DLG1: variants seen among roughly 807,000 people sequenced by gnomAD.
The protein encoded by DLG1 is discs large MAGUK scaffold protein 1.
DLG1 carries 42 observed loss-of-function variants against 123.4 expected under a neutral mutation model. That is an observed-to-expected ratio of 0.34 (90% CI 0.27 to 0.44). The LOEUF (loss-of-function observed/expected upper bound fraction) is 0.44, where lower values mean the gene tolerates loss of function less well. DLG1 is among the 20% of genes least tolerant of loss of function. DLG1 has a pLI of 1.00. For synonymous variants in DLG1, 317 were observed against 356.2 expected (o/e 0.89, Z 1.24); for missense variants, 942 against 1,082.6 (o/e 0.87, Z 1.82).
chr3:197,229,401 T>C (rs1409664688), intron 4 of DLG1, among the ~76,000 whole-genome samples: 3 of 147,064 alleles, frequency 2.0e-5, no homozygotes. Flanking sequence ...CTGCTTGAGC[T>C]ATGATTGAGC....
intron 5 of DLG1, among the ~76,000 whole-genome samples, chr3:197,178,229 C>G (rs1028437356): frequency 6.6e-6 from 1 of 152,100 alleles, no homozygotes; most frequent in East Asian, 1.9e-4. Flanking sequence ...GTAGTTCAGG[C>G]AACATATTAT....
At chr3:197,064,688 T>C (rs2148873996) in intron 22 of DLG1, among the ~76,000 whole-genome samples, 1 of 152,360 alleles carries the variant, frequency 6.6e-6, no homozygotes, top group South Asian at 2.1e-4. Flanking sequence ...TTGCAAATTT[T>C]TTCTGTCAGT....
chr3:197,202,686 T>C (rs1392929652), intron 4 of DLG1, among the ~76,000 whole-genome samples: 1 of 152,204 alleles, frequency 6.6e-6, no homozygotes, highest in Non-Finnish European at 1.5e-5. Context: ...CTCTAGCGTT[T>C]CTAACCAATA....
chr3:197,062,495 T>C (rs1486245484), intron 22 of DLG1, among the ~76,000 whole-genome samples: 3 of 152,220 alleles, frequency 2.0e-5, no homozygotes, highest in South Asian at 2.1e-4. Flanking sequence ...TATGTTATTA[T>C]CATTTATCTT....
At chr3:197,284,005 C>T (rs1373327695) in intron 3 of DLG1, among the ~76,000 whole-genome samples, 1 of 151,858 alleles carries the variant, frequency 6.6e-6, no homozygotes, top group Non-Finnish European at 1.5e-5. Context: ...GGACTTCAGG[C>T]ACGTGCCACC....
Position 197,183,385 on chromosome 3 carries a change from G to T in DLG1, c.483+11040C>A, listed in dbSNP as rs376184134. Among the ~76,000 whole-genome samples the T allele has an allele frequency of 2.6e-5, 4 of 152,200 alleles. No individual in the cohort carries two copies. The South Asian group carries it at 8.3e-4, about 32-fold the overall frequency. ...CTATTTTGTTTGGTATTACATAAGA[G>T]CATAAGGAAAAATATTTCTTGTTCC... is the stretch of plus-strand genomic sequence containing the variant. On this transcript the variant is annotated intron_variant, in intron 5 of 24. Transcript: ENST00000667157.
At chr3:197,087,487 C>T (rs1181782229) in intron 15 of DLG1, among the ~76,000 whole-genome samples, 1 of 152,036 alleles carries the variant, frequency 6.6e-6, no homozygotes, top group African/African-American at 2.4e-5. Context: ...CCAAGACAAG[C>T]TTAGCCAACA....
intron 2 of DLG1, 142 bp from the exon 3 acceptor site, chr3:197,296,619 T>C (rs1777474744): frequency 1.5e-6 from 1 of 654,554 alleles, no homozygotes; most frequent in Non-Finnish European, 2.5e-6. Context: ...CATGTACACA[T>C]ATTCCTTAGA....
intron 11 of DLG1, among the ~76,000 whole-genome samples, chr3:197,129,882 TG>T (rs1305831009): frequency 6.6e-6 from 1 of 152,142 alleles, no homozygotes; most frequent in African/African-American, 2.4e-5. Flanking sequence ...AGTGTGGTTG[TG>T]GCACTCCAAA....
chr3:197,068,455 A>G (rs1451205833), intron 19 of DLG1: 14 of 1,272,838 alleles, frequency 1.1e-5, no homozygotes, highest in Non-Finnish European at 1.5e-5. Context: ...AAAAGTATAT[A>G]CTGTCAACAT....
intron 17 of DLG1, among the ~76,000 whole-genome samples, chr3:197,079,150 G>A (rs1265650050): frequency 6.6e-6 from 1 of 152,146 alleles, no homozygotes; most frequent in African/African-American, 2.4e-5. Flanking sequence ...TCAATCAGAA[G>A]TACTACATTT....
intron 4 of DLG1, among the ~76,000 whole-genome samples, chr3:197,282,250 C>T (rs1254882210): frequency 6.6e-6 from 1 of 152,178 alleles, no homozygotes; most frequent in African/African-American, 2.4e-5. Context: ...TGAATGCCAT[C>T]CTTCAAGCCA....
rs9860794 is a variant in DLG1 at position 197,111,556 on chromosome 3, T to C, written c.1443+4371A>G. Among the ~76,000 whole-genome samples the C allele has an allele frequency of 7.9e-4, 120 of 152,360 alleles. 1 individual carries two copies. Among genetic ancestry groups the C allele is most frequent in the African/African-American group, 2.5e-3 (106 of 41,590 alleles). ...ATACTGTAACTTAAATAAATTACAG[T>C]ATATTTTACAATGAAATGTAGAAAT... On this transcript the variant is annotated intron_variant, in intron 13 of 24. Coordinates refer to ENST00000667157, the MANE Select transcript of DLG1 (RefSeq NM_001366207.1).
intron 5 of DLG1, among the ~76,000 whole-genome samples, chr3:197,160,410 A>C (rs2149880103): frequency 6.6e-6 from 1 of 151,778 alleles, no homozygotes; most frequent in East Asian, 1.9e-4. Flanking sequence ...ATATATTTGG[A>C]AAGATGTTAC....
chr3:197,048,417 G>A (rs1035365669), intron 24 of DLG1, among the ~76,000 whole-genome samples: 2 of 152,220 alleles, frequency 1.3e-5, no homozygotes, highest in African/African-American at 2.4e-5. Flanking sequence ...GTTGCAGTGA[G>A]CTGAGATCAT....
At chr3:197,231,057 A>T (rs1742713743) in intron 4 of DLG1, among the ~76,000 whole-genome samples, 1 of 151,972 alleles carries the variant, frequency 6.6e-6, no homozygotes, top group Non-Finnish European at 1.5e-5. Context: ...ACATTCACTG[A>T]TAATTTCAAC....
chr3:197,095,482 T>C (rs780146767), intron 14 of DLG1, among the ~76,000 whole-genome samples: 23 of 152,170 alleles, frequency 1.5e-4, no homozygotes, highest in Non-Finnish European at 2.9e-4. Flanking sequence ...GTAGAATCTC[T>C]CTCAATTTGG....
intron 10 of DLG1, among the ~76,000 whole-genome samples, chr3:197,134,000 C>T (rs753620603): frequency 1.3e-5 from 2 of 152,138 alleles, no homozygotes; most frequent in Admixed American, 6.5e-5. Flanking sequence ...CTGTCTCCTA[C>T]CACCAAAGCC....
At chr3:197,217,394 G>A (rs902345758) in intron 4 of DLG1, among the ~76,000 whole-genome samples, 2 of 152,122 alleles carry the variant, frequency 1.3e-5, no homozygotes, top group African/African-American at 4.8e-5. Flanking sequence ...ATGAACCATC[G>A]AAGTTTGTAA....
Sources: gnomAD v4.1 joint callset for allele counts (sites outside exome capture counted in the v4.1 genomes callset) on GRCh38, gnomAD v4.1.1 for gene constraint, MANE v1.5 for transcripts, NCBI Gene and HGNC (gene_info 2026-07-23, HGNC 2026-07-21) for gene names.